The following TRPM3 variants were observed in gnomAD, a reference collection of about 807,000 sequenced individuals.
TRPM3 encodes transient receptor potential cation channel subfamily M member 3, also known as long transient receptor potential channel 3.
A neutral mutation model predicts 181.2 loss-of-function variants in TRPM3; 77 were observed. The ratio of observed to expected loss-of-function variants is 0.42; its 90% CI spans 0.35 to 0.51. The LOEUF (loss-of-function observed/expected upper bound fraction) is 0.51. Ranked by LOEUF, TRPM3 falls within the 20% of genes least tolerant of loss-of-function variation. The pLI, the probability that TRPM3 is intolerant of heterozygous loss-of-function variation, is 0.01. For synonymous variants in TRPM3, 745 were observed against 796.4 expected (o/e 0.94, Z 1.09); for missense variants, 1,759 against 2,196.7 (o/e 0.80, Z 3.98).
chr9:71,062,320 A>T (rs1324219537), intron 1 of TRPM3, among the ~76,000 whole-genome samples: 1 of 152,060 alleles, frequency 6.6e-6, no homozygotes, highest in Non-Finnish European at 1.5e-5. Flanking sequence ...ATGAGTCTTT[A>T]GGGCATTTCA....
intron 1 of TRPM3, among the ~76,000 whole-genome samples, chr9:71,031,235 AATT>A (rs1043350305): frequency 6.6e-6 from 1 of 152,200 alleles, no homozygotes; most frequent in African/African-American, 2.4e-5. Flanking sequence ...ATGCCAAACA[AATT>A]ATTAGGTGCT....
chr9:71,400,185 T>C (rs2093309408), intron 1 of TRPM3, among the ~76,000 whole-genome samples: 1 of 152,162 alleles, frequency 6.6e-6, no homozygotes, highest in Non-Finnish European at 1.5e-5. Flanking sequence ...ATTTTGCCAC[T>C]CCTGGACTCA....
intron 1 of TRPM3, among the ~76,000 whole-genome samples, chr9:71,309,517 C>A (rs2087716763): frequency 6.6e-6 from 1 of 152,100 alleles, no homozygotes; most frequent in Non-Finnish European, 1.5e-5. Flanking sequence ...ATCACATATT[C>A]CCTATCCCCA....
chr9:71,277,245 G>A (rs1440814779), intron 1 of TRPM3, among the ~76,000 whole-genome samples: 1 of 152,106 alleles, frequency 6.6e-6, no homozygotes, highest in African/African-American at 2.4e-5. Context: ...AAATGGGGAT[G>A]GTGTCTATGG....
At chr9:70,769,621 A>G (rs1260460906) in intron 7 of TRPM3, among the ~76,000 whole-genome samples, 1 of 152,136 alleles carries the variant, frequency 6.6e-6, no homozygotes, top group Non-Finnish European at 1.5e-5. Context: ...TTTGTCAATT[A>G]AAAATAAAAT....
chr9:70,850,152 A>T (rs1269829408), intron 3 of TRPM3, among the ~76,000 whole-genome samples: 1 of 152,220 alleles, frequency 6.6e-6, no homozygotes, highest in Non-Finnish European at 1.5e-5. Flanking sequence ...TAAGTACATT[A>T]TATCACTAGA....
intron 1 of TRPM3, among the ~76,000 whole-genome samples, chr9:71,068,396 C>T (rs562986207): frequency 1.5e-4 from 23 of 152,190 alleles, no homozygotes; most frequent in Non-Finnish European, 3.1e-4. Flanking sequence ...TCTAAGGTGG[C>T]CTGAACACAG....
chr9:71,136,002 TAATTAAC>T (rs1355469728), intron 1 of TRPM3, among the ~76,000 whole-genome samples: 1 of 152,260 alleles, frequency 6.6e-6, no homozygotes, highest in African/African-American at 2.4e-5. Context: ...AAGTGTGATT[TAATTAAC>T]ATCAATTAGC....
intron 1 of TRPM3, among the ~76,000 whole-genome samples, chr9:70,984,683 G>T (rs1487764833): frequency 5.3e-5 from 8 of 152,202 alleles, no homozygotes; most frequent in African/African-American, 1.9e-4. Flanking sequence ...GACAAGGAAT[G>T]CTGTCCCACT....
intron 1 of TRPM3, among the ~76,000 whole-genome samples, chr9:71,131,887 A>G (rs1243103560): frequency 6.6e-6 from 1 of 152,212 alleles, no homozygotes; most frequent in African/African-American, 2.4e-5. Flanking sequence ...CAAGCTAGAG[A>G]ATTCAATTGC....
At chr9:70,926,366 A>T (rs2096721524) in intron 1 of TRPM3, among the ~76,000 whole-genome samples, 1 of 152,174 alleles carries the variant, frequency 6.6e-6, no homozygotes, top group Non-Finnish European at 1.5e-5. Context: ...ATCTGTAAAA[A>T]TTTGTGGCCA....
chr9:71,335,635 G>C (rs1404985491), intron 1 of TRPM3, among the ~76,000 whole-genome samples: 1 of 151,894 alleles, frequency 6.6e-6, no homozygotes, highest in African/African-American at 2.4e-5. Context: ...TTGGCCCCCA[G>C]GATCAATAAA....
At chr9:70,881,212 G>A (rs2095985986) in intron 1 of TRPM3, among the ~76,000 whole-genome samples, 1 of 152,028 alleles carries the variant, frequency 6.6e-6, no homozygotes, top group Non-Finnish European at 1.5e-5. Flanking sequence ...TTAGCATAGG[G>A]TACTGGCTTA....
chr9:70,860,717 G>A (rs1007166055), intron 3 of TRPM3, among the ~76,000 whole-genome samples: 2 of 152,192 alleles, frequency 1.3e-5, no homozygotes, highest in African/African-American at 4.8e-5. Flanking sequence ...ATCCAAATGA[G>A]TGTCTTTCGA....
intron 1 of TRPM3, among the ~76,000 whole-genome samples, chr9:71,377,387 T>C (rs1163530851): frequency 2.0e-5 from 3 of 152,128 alleles, no homozygotes; most frequent in Non-Finnish European, 2.9e-5. Context: ...AGGGTCTCAC[T>C]AAATTTCTTT....
At chr9:70,566,408 C>A (rs2132084910) in intron 22 of TRPM3, among the ~76,000 whole-genome samples, 1 of 152,028 alleles carries the variant, frequency 6.6e-6, no homozygotes, top group East Asian at 1.9e-4. Context: ...CAGGGAGTAG[C>A]TGGAGAAGAG....
chr9:71,225,580 T>C (rs1179324178), intron 1 of TRPM3, among the ~76,000 whole-genome samples: 1 of 152,296 alleles, frequency 6.6e-6, no homozygotes, highest in Middle Eastern at 3.4e-3. Flanking sequence ...AAACACAGAA[T>C]AGTGTAACTC....
At chr9:71,323,296 A>G (rs1277562393) in intron 1 of TRPM3, among the ~76,000 whole-genome samples, 1 of 152,164 alleles carries the variant, frequency 6.6e-6, no homozygotes, top group African/African-American at 2.4e-5. Context: ...CAGCTGCCAA[A>G]TGCTTCAACT....
chr9:71,331,377 C>T (rs535927492), intron 1 of TRPM3, among the ~76,000 whole-genome samples: 1 of 151,896 alleles, frequency 6.6e-6, no homozygotes, highest in East Asian at 1.9e-4. Context: ...TCATGTTTAT[C>T]TAAGTTATAA....
Sources: allele counts gnomAD v4.1 joint callset (sites outside exome capture counted in the v4.1 genomes callset), GRCh38; gene constraint gnomAD v4.1.1; transcripts MANE v1.5; gene names NCBI Gene and HGNC (gene_info 2026-07-23, HGNC 2026-07-21).